Variants in AGFG1 observed in about 807,000 individuals in gnomAD.
AGFG1 encodes the protein ArfGAP with FG repeats 1.
In AGFG1, 10 loss-of-function variants were observed where a neutral mutation model predicts 60.6. The ratio of observed to expected loss-of-function variants is 0.16; its 90% CI spans 0.10 to 0.28. AGFG1 has a LOEUF of 0.28. AGFG1 is among the 10% of genes least tolerant of loss of function. The pLI is 1.00. For missense variants in AGFG1, 537 were observed against 676.5 expected (o/e 0.79, Z 2.29); for synonymous variants, 247 against 242.9 (o/e 1.02, Z -0.16).
At chr2:227,487,952 A>G (rs556011419) in intron 1 of AGFG1, among the ~76,000 whole-genome samples, 1 of 152,370 alleles carries the variant, frequency 6.6e-6, no homozygotes, top group East Asian at 1.9e-4. Context: ...CCCTGAATAA[A>G]TGGAATATAA....
At chr2:227,551,936 G>T in intron 10 of AGFG1, 23 bp from the exon 11 acceptor site, 1 of 1,612,562 alleles carries the variant, frequency 6.2e-7, no homozygotes, top group South Asian at 1.1e-5. Flanking sequence ...GTATGTAACT[G>T]ATCAGCCCTT....
intron 1 of AGFG1, among the ~76,000 whole-genome samples, chr2:227,483,511 A>G (rs1690530249): frequency 1.3e-5 from 2 of 152,196 alleles, no homozygotes; most frequent in South Asian, 4.1e-4. Context: ...TACTCCTGGC[A>G]ATTACTGATC....
Position 227,536,708 on chromosome 2 carries a change from T to C in AGFG1, c.1285+4T>C. 6.2e-7 allele frequency: 1 copy of C among 1,613,874 alleles called. No homozygotes were observed. The highest frequency in any genetic ancestry group is 1.1e-5 in the South Asian group (1 of 91,068). On this transcript the variant is annotated splice_donor_region_variant and intron_variant, in intron 9 of 12. Transcript: ENST00000310078. ...AGTGTGCCTGCTCCATTTGGAGGTA[T>C]GTGCTTCTGGTATATACACTGGTTT... is the stretch of plus-strand genomic sequence containing the variant.
At chr2:227,546,298 G>A (rs1293502125) in intron 10 of AGFG1, among the ~76,000 whole-genome samples, 3 of 152,212 alleles carry the variant, frequency 2.0e-5, no homozygotes, top group Non-Finnish European at 2.9e-5. Flanking sequence ...AGCCAGGCGC[G>A]GGATATAATC....
At chr2:227,500,097 A>G (rs997872342) in intron 2 of AGFG1, among the ~76,000 whole-genome samples, 14 of 152,206 alleles carry the variant, frequency 9.2e-5, no homozygotes, top group African/African-American at 3.4e-4. Flanking sequence ...GTACGTTATG[A>G]GCTGGTAAGA....
intron 1 of AGFG1, among the ~76,000 whole-genome samples, chr2:227,488,373 TG>T (rs1428113782): frequency 1.3e-5 from 2 of 152,272 alleles, no homozygotes; most frequent in African/African-American, 4.8e-5. Context: ...TATGAATTGT[TG>T]TTTCCTCATT....
At chr2:227,497,043 T>C (rs1030969868) in intron 2 of AGFG1, among the ~76,000 whole-genome samples, 1 of 152,158 alleles carries the variant, frequency 6.6e-6, no homozygotes. Flanking sequence ...GATTTACAGC[T>C]ATTCTGTTGC....
intron 3 of AGFG1, among the ~76,000 whole-genome samples, chr2:227,521,674 T>C (rs1328638687): frequency 6.6e-6 from 1 of 152,194 alleles, no homozygotes; most frequent in African/African-American, 2.4e-5. Context: ...CTTTTACCAA[T>C]TCAGAAAGTG....
chr2:227,524,723 C>G (rs1351975881), intron 4 of AGFG1, 39 bp from the exon 5 acceptor site: 2 of 1,602,354 alleles, frequency 1.2e-6, no homozygotes, highest in African/African-American at 2.7e-5. Flanking sequence ...TTTTGCAGAT[C>G]CGACTGGAAT....
intron 11 of AGFG1, 28 bp downstream of exon 11, chr2:227,552,145 A>T: frequency 6.2e-7 from 1 of 1,613,384 alleles, no homozygotes; most frequent in Non-Finnish European, 8.5e-7. Flanking sequence ...GCGAGCTGTA[A>T]GTTCATTTTA....
chr2:227,489,462 T>TA (rs763751024), intron 1 of AGFG1, among the ~76,000 whole-genome samples: 2 of 151,890 alleles, frequency 1.3e-5, no homozygotes, highest in Non-Finnish European at 2.9e-5. Context: ...CCTCAAGTGA[T>TA]ATGCCCACCT....
At chr2:227,537,271 CA>C (rs1482127513) in intron 10 of AGFG1, among the ~76,000 whole-genome samples, 7 of 152,162 alleles carry the variant, frequency 4.6e-5, no homozygotes, top group African/African-American at 1.7e-4. Context: ...TGAGACTCCA[CA>C]GAACGTTTAT....
chr2:227,555,482 AAATTGTCTTTGAATGTATT>A lies in AGFG1; in HGVS notation c.*988_*1006del. The A allele has an allele frequency of 6.5e-6, 1 of 152,718 alleles. No homozygotes were observed. Among genetic ancestry groups the A allele is most frequent in the Non-Finnish European group, 1.5e-5 (1 of 67,996 alleles). The allele number at this position is 152,718 out of a possible 1,614,324, so 9.5% of individuals were successfully genotyped here. Reference sequence around the variant, plus strand: ...TTTAACTATTGATTTTTTTTAAAAAAAATTGTCTTTGAATGTATTGGAAGTAGACATGCATTAACTGTGA... The same window carrying A: ...TTTAACTATTGATTTTTTTTAAAAAAGGAAGTAGACATGCATTAACTGTGA... On this transcript the variant is annotated 3_prime_UTR_variant, in exon 13 of 13. Coordinates refer to ENST00000310078, the MANE Select transcript of AGFG1 (RefSeq NM_004504.5).
At position 227,481,832 on chromosome 2, in the gene AGFG1, G is replaced by A. The variant is rs1012037009; in HGVS notation, c.167+9244G>A. On this transcript the variant is annotated intron_variant, in intron 1 of 12. Transcript: ENST00000310078. The stretch of plus-strand genomic sequence containing the variant: ...TACTGTCATTTCGTTGTGGGTTTGG[G>A]CATGTGAAGAGATTTAGATTTTGTC... Among the ~76,000 whole-genome samples the A allele has an allele frequency of 4.5e-4, 68 of 150,692 alleles. 2 individuals are homozygous for A. Among genetic ancestry groups the A allele is most frequent in the Admixed American group, 2.6e-4 (4 of 15,118 alleles).
At chr2:227,502,229 C>T (rs1269464508) in intron 2 of AGFG1, among the ~76,000 whole-genome samples, 4 of 152,152 alleles carry the variant, frequency 2.6e-5, no homozygotes, top group Non-Finnish European at 5.9e-5. Context: ...CAAGTATTGG[C>T]TTCTATTCTA....
chr2:227,537,222 A>G (rs1207170284), intron 10 of AGFG1, among the ~76,000 whole-genome samples: 2 of 152,162 alleles, frequency 1.3e-5, no homozygotes, highest in Non-Finnish European at 2.9e-5. Context: ...TTCCAGTTAA[A>G]GCTTTCATTT....
chr2:227,549,435 A>T (rs1692753945), intron 10 of AGFG1, among the ~76,000 whole-genome samples: 1 of 152,234 alleles, frequency 6.6e-6, no homozygotes, highest in South Asian at 2.1e-4. Context: ...CAAACATGCC[A>T]GGTGAGTAAG....
intron 2 of AGFG1, chr2:227,508,278 T>G (rs1183718621): frequency 5.4e-6 from 1 of 185,486 alleles, no homozygotes; most frequent in Non-Finnish European, 1.2e-5. Flanking sequence ...GATTGAGTCC[T>G]AGATTGAACT....
At chr2:227,475,153 A>G (rs1296952985) in intron 1 of AGFG1, among the ~76,000 whole-genome samples, 1 of 152,212 alleles carries the variant, frequency 6.6e-6, no homozygotes, top group Non-Finnish European at 1.5e-5. Context: ...AATTGGTTTA[A>G]AAATATGAAG....
Sources: gnomAD v4.1 joint callset for allele counts (sites outside exome capture counted in the v4.1 genomes callset) on GRCh38, gnomAD v4.1.1 for gene constraint, MANE v1.5 for transcripts, NCBI Gene and HGNC (gene_info 2026-07-23, HGNC 2026-07-21) for gene names.